The following ABLIM3 variants were observed in gnomAD, a reference collection of about 807,000 sequenced individuals.
ABLIM3 encodes actin-binding LIM protein 3.
In ABLIM3, 61 loss-of-function variants were observed where a neutral mutation model predicts 109.5. The ratio of observed to expected loss-of-function variants is 0.56; its 90% CI spans 0.45 to 0.69. The LOEUF is 0.69. Among genes scored for constraint, ABLIM3 ranks in the 30% least tolerant of loss-of-function variants. The pLI is 0.00. For synonymous variants in ABLIM3, 300 were observed against 324.8 expected (o/e 0.92, Z 0.82); for missense variants, 796 against 889.5 (o/e 0.89, Z 1.34).
At chr5:149,142,800 A>C (rs563300293) in intron 2 of ABLIM3, among the ~76,000 whole-genome samples, 1 of 152,278 alleles carries the variant, frequency 6.6e-6, no homozygotes, top group Non-Finnish European at 1.5e-5. Context: ...GTAGGGCCTC[A>C]GCTACTGAGA....
At chr5:149,216,909 A>G in intron 7 of ABLIM3, 50 bp from the exon 8 acceptor site, 1 of 1,530,100 alleles carries the variant, frequency 6.5e-7, no homozygotes, top group Non-Finnish European at 9.1e-7. Context: ...CTGCCCCACT[A>G]GACAGCAGCC....
At chr5:149,222,571 C>T (rs1042320218) in intron 8 of ABLIM3, among the ~76,000 whole-genome samples, 1 of 151,268 alleles carries the variant, frequency 6.6e-6, no homozygotes, top group African/African-American at 2.4e-5. Flanking sequence ...TGTGTTAACA[C>T]AAATCCGAAA....
chr5:149,203,976 G>T (rs1253678724), intron 5 of ABLIM3, among the ~76,000 whole-genome samples: 2 of 152,180 alleles, frequency 1.3e-5, no homozygotes, highest in Non-Finnish European at 2.9e-5. Flanking sequence ...TGTGAGACCA[G>T]CCAGTCTGGC....
At chr5:149,217,865 G>A (rs1760254212) in intron 8 of ABLIM3, 1 of 152,222 alleles carries the variant, frequency 6.6e-6, no homozygotes, top group Non-Finnish European at 1.5e-5. Context: ...ATTGTTTCTT[G>A]AGCCCTGCCA....
chr5:149,162,178 C>T (rs1754435286), intron 2 of ABLIM3, among the ~76,000 whole-genome samples: 1 of 152,154 alleles, frequency 6.6e-6, no homozygotes, highest in Admixed American at 6.5e-5. Flanking sequence ...AGAATAAAGC[C>T]AGAAAAGATT....
At chr5:149,191,343 ATTC>A (rs1286068517) in intron 3 of ABLIM3, among the ~76,000 whole-genome samples, 2 of 152,226 alleles carry the variant, frequency 1.3e-5, no homozygotes, top group Admixed American at 6.5e-5. Context: ...AAATTTATCA[ATTC>A]TTGAGTGCAA....
chr5:149,163,173 T>A (rs1754531576), intron 2 of ABLIM3, among the ~76,000 whole-genome samples: 1 of 152,146 alleles, frequency 6.6e-6, no homozygotes, highest in African/African-American at 2.4e-5. Context: ...GGGTTAAGCA[T>A]CATCAGATTG....
rs375779902 is a variant in ABLIM3, at chr5:149,198,056, C to T, written c.152-163C>T. On this transcript the variant is annotated intron_variant, in intron 3 of 23. Coordinates refer to ENST00000309868, the MANE Select transcript of ABLIM3 (RefSeq NM_014945.5). This position sits in a 1 kb window ranked among gnomAD's most constrained non-coding sequence, Gnocchi z 4.2. ...ACATGCTACCATTCTGTGGCCACTT[C>T]TTTAAGGAATACTGGCCCCAAAGGC... Among the ~76,000 whole-genome samples the T allele has an allele frequency of 2.2e-4, 5 of 22,900 alleles. No individual in the cohort carries two copies. The highest frequency in any genetic ancestry group is 4.7e-4 in the African/African-American group (2 of 4,290). 15.0% of individuals were successfully genotyped at this position (22,900 alleles called of 152,430 possible).
At chr5:149,237,905 A>G (rs1037950039) in intron 11 of ABLIM3, among the ~76,000 whole-genome samples, 1 of 152,098 alleles carries the variant, frequency 6.6e-6, no homozygotes, top group African/African-American at 2.4e-5. Flanking sequence ...CTCCCTGTTA[A>G]TCCCAGCATT....
chr5:149,181,943 A>T (rs748717667), intron 2 of ABLIM3, among the ~76,000 whole-genome samples: 7 of 152,202 alleles, frequency 4.6e-5, no homozygotes, highest in Non-Finnish European at 8.8e-5. Flanking sequence ...ATCTGGGGTA[A>T]CATTCATTCC....
intron 3 of ABLIM3, among the ~76,000 whole-genome samples, chr5:149,185,328 A>G (rs1485508544): frequency 1.3e-5 from 2 of 151,934 alleles, no homozygotes; most frequent in African/African-American, 2.4e-5. Context: ...TCATCCTCCA[A>G]TGGGCTGGCT....
At chr5:149,189,980 G>T (rs1355387307) in intron 3 of ABLIM3, among the ~76,000 whole-genome samples, 2 of 152,154 alleles carry the variant, frequency 1.3e-5, no homozygotes. Flanking sequence ...ATCAACAAAT[G>T]AATGGATAAA....
intron 23 of ABLIM3, among the ~76,000 whole-genome samples, chr5:149,253,332 C>T (rs553936899): frequency 6.6e-6 from 1 of 152,326 alleles, no homozygotes; most frequent in East Asian, 1.9e-4. Flanking sequence ...TTGAGTCAAA[C>T]TCCCTAGGTT....
At chr5:149,181,703 A>C (rs1043333348) in intron 2 of ABLIM3, among the ~76,000 whole-genome samples, 1 of 152,218 alleles carries the variant, frequency 6.6e-6, no homozygotes, top group Admixed American at 6.5e-5. Flanking sequence ...AGATGAGATC[A>C]GTTTTGGAGA....
chr5:149,165,311 C>T (rs998990658), intron 2 of ABLIM3, among the ~76,000 whole-genome samples: 23 of 152,324 alleles, frequency 1.5e-4, no homozygotes, highest in African/African-American at 5.3e-4. Context: ...AGGGTCAATT[C>T]TGACACACTA....
chr5:149,258,652 T>C lies in ABLIM3; in HGVS notation c.*248T>C. On this transcript the variant is annotated 3_prime_UTR_variant, in exon 24 of 24. Coordinates refer to ENST00000309868, the MANE Select transcript of ABLIM3 (RefSeq NM_014945.5). The stretch of plus-strand genomic sequence containing the variant: ...GTCCTTTTATTGGGGATCCTTTTTA[T>C]ACTGAAACATCTGTCCTAACTTGAG... The C allele has an allele frequency of 8.2e-7, 1 of 1,212,782 alleles. No homozygotes were observed. Among genetic ancestry groups the C allele is most frequent in the Non-Finnish European group, 1.0e-6 (1 of 973,012 alleles). The allele number at this position is 1,212,782 out of a possible 1,614,324, so 75.1% of individuals were successfully genotyped here.
chr5:149,182,749 C>T (rs184428196), intron 2 of ABLIM3, among the ~76,000 whole-genome samples: 42 of 152,196 alleles, frequency 2.8e-4, no homozygotes, highest in African/African-American at 9.4e-4. Flanking sequence ...GGCCACTCAC[C>T]TGCAGCTCCC....
chr5:149,214,478 A>T (rs1759852612), intron 7 of ABLIM3, among the ~76,000 whole-genome samples: 1 of 152,176 alleles, frequency 6.6e-6, no homozygotes, highest in African/African-American at 2.4e-5. Flanking sequence ...TCTCAGGCCC[A>T]TCCCTGGGCC....
Position 149,258,516 on chromosome 5 carries a change from A to T in ABLIM3, c.*112A>T, listed in dbSNP as rs1754652709. The T allele has an allele frequency of 1.4e-6, 2 of 1,413,388 alleles. No individual in the cohort carries two copies. Among genetic ancestry groups the T allele is most frequent in the East Asian group, 5.4e-5 (2 of 37,236 alleles). The allele number at this position is 1,413,388 out of a possible 1,614,324, so 87.6% of individuals were successfully genotyped here. On this transcript the variant is annotated 3_prime_UTR_variant, in exon 24 of 24. Transcript: ENST00000309868. ...AATGGGACACACTGCCTGCCATGAG[A>T]CTTGCTTTTCTGTACTGTCAGGCAA...
Sources: allele counts gnomAD v4.1 joint callset (sites outside exome capture counted in the v4.1 genomes callset), GRCh38; gene constraint gnomAD v4.1.1; non-coding constraint Gnocchi (gnomAD v3.1); transcripts MANE v1.5; gene names NCBI Gene and HGNC (gene_info 2026-07-23, HGNC 2026-07-21).